HERC3: variants seen among roughly 807,000 people sequenced by gnomAD.
The protein encoded by HERC3 is HECT and RLD domain containing E3 ubiquitin protein ligase 3.
A neutral mutation model predicts 129.9 loss-of-function variants in HERC3; 58 were observed. That is an observed-to-expected ratio of 0.45 (90% CI 0.36 to 0.56). HERC3 has a LOEUF of 0.56. Among genes scored for constraint, HERC3 ranks in the 20% least tolerant of loss-of-function variants. The pLI, the probability that HERC3 is intolerant of heterozygous loss-of-function variation, is 0.00. For synonymous variants in HERC3, 430 were observed against 451.0 expected (o/e 0.95, Z 0.59); for missense variants, 835 against 1,244.2 (o/e 0.67, Z 4.95).
intron 8 of HERC3, 145 bp from the exon 9 acceptor site, chr4:88,655,730 G>A (rs527834921): frequency 9.6e-6 from 7 of 726,658 alleles, no homozygotes; most frequent in South Asian, 8.1e-5. Context: ...GAGAGCAGCC[G>A]CTGCAAGAAG....
At chr4:88,548,313 G>C in the HERC3 span, among the ~76,000 whole-genome samples, 1 of 152,146 alleles carries the variant, frequency 6.6e-6, no homozygotes, top group Non-Finnish European at 1.5e-5. Context: ...ATCTCTACCA[G>C]CAGTATATGG....
intron 23 of HERC3, chr4:88,697,763 AGAAGCCGCAGAG>A: frequency 6.3e-7 from 1 of 1,599,336 alleles, no homozygotes; most frequent in South Asian, 1.1e-5. Flanking sequence ...ATGTTAGAGG[AGAAGCCGCAGAG>A]GTCTAGGAGG....
chr4:88,555,087 C>T, the HERC3 span, among the ~76,000 whole-genome samples: 1,305 of 152,006 alleles, frequency 8.6e-3, 17 homozygotes, highest in African/African-American at 0.029. Flanking sequence ...AGATTGAGAC[C>T]ATCCTGGCCA....
the HERC3 span, among the ~76,000 whole-genome samples, chr4:88,543,307 C>G: frequency 1.4e-4 from 21 of 151,930 alleles, no homozygotes; most frequent in Admixed American, 1.4e-3. Context: ...GACAGAGAGC[C>G]AAATCATGAG....
chr4:88,539,469 A>G, the HERC3 span, among the ~76,000 whole-genome samples: 2 of 152,348 alleles, frequency 1.3e-5, no homozygotes, highest in East Asian at 1.9e-4. Context: ...TACCACCTCT[A>G]TAGACTCCAC....
chr4:88,679,415 T>G (rs1275908818), intron 19 of HERC3, among the ~76,000 whole-genome samples: 1 of 152,180 alleles, frequency 6.6e-6, no homozygotes, highest in Admixed American at 6.5e-5. Flanking sequence ...CATTTTTTTC[T>G]ATGTGCCAGA....
intron 3 of HERC3, among the ~76,000 whole-genome samples, chr4:88,647,875 T>C (rs1159338536): frequency 6.6e-6 from 1 of 151,758 alleles, no homozygotes; most frequent in African/African-American, 2.4e-5. Context: ...TATTTCTTGA[T>C]TTTTTTCAAT....
At chr4:88,546,142 A>G in the HERC3 span, among the ~76,000 whole-genome samples, 2 of 152,182 alleles carry the variant, frequency 1.3e-5, no homozygotes, top group African/African-American at 4.8e-5. Flanking sequence ...TGAACTAGAG[A>G]TACTGTAAAT....
chr4:88,670,358 C>A, intron 16 of HERC3, 106 bp downstream of exon 16: 1 of 721,948 alleles, frequency 1.4e-6, no homozygotes, highest in South Asian at 1.9e-5. Context: ...GTCACCTATT[C>A]TTCATCCAGC....
At chr4:88,694,323 C>T (rs1734374986) in intron 23 of HERC3, among the ~76,000 whole-genome samples, 1 of 152,190 alleles carries the variant, frequency 6.6e-6, no homozygotes, top group Non-Finnish European at 1.5e-5. Flanking sequence ...TAATAATTTT[C>T]ATATGATTCA....
At chr4:88,592,210 T>C (rs1721753668), upstream of HERC3, among the ~76,000 whole-genome samples, 3 of 152,170 alleles carry the variant, frequency 2.0e-5, no homozygotes, top group African/African-American at 7.2e-5. Flanking sequence ...GCGTCAACGC[T>C]CTATGTCTTG....
chr4:88,560,602 T>A, the HERC3 span, among the ~76,000 whole-genome samples: 3 of 152,234 alleles, frequency 2.0e-5, no homozygotes, highest in Non-Finnish European at 4.4e-5. Flanking sequence ...TAGTCCCATT[T>A]ATTTAGTATT....
At chr4:88,697,770 G>A (rs775237659) in intron 23 of HERC3, 3 of 1,595,814 alleles carry the variant, frequency 1.9e-6, no homozygotes, top group African/African-American at 1.3e-5. Context: ...AGGAGAAGCC[G>A]CAGAGGTCTA....
At chr4:88,704,439 A>G (rs1377877081) in intron 24 of HERC3, 69 bp from the exon 25 acceptor site, 2 of 1,242,462 alleles carry the variant, frequency 1.6e-6, no homozygotes, top group African/African-American at 1.5e-5. Context: ...CTCAAATGCA[A>G]ATGATATATA....
chr4:88,650,394 C>T (rs1729143373), intron 4 of HERC3, among the ~76,000 whole-genome samples: 1 of 152,172 alleles, frequency 6.6e-6, no homozygotes, highest in South Asian at 2.1e-4. Flanking sequence ...CTCTGATAGG[C>T]CAAATCACTT....
At chr4:88,529,120 G>A in the HERC3 span, among the ~76,000 whole-genome samples, 4 of 152,136 alleles carry the variant, frequency 2.6e-5, no homozygotes, top group Admixed American at 6.5e-5. Flanking sequence ...ACACAAAAAT[G>A]TATGCACAAT....
intron 3 of HERC3, among the ~76,000 whole-genome samples, chr4:88,634,777 T>C: frequency 7.0e-6 from 1 of 142,916 alleles, no homozygotes; most frequent in East Asian, 2.2e-4. Flanking sequence ...CCCCTCGAGG[T>C]CAGAGGTCCC....
chr4:88,602,871 C>T (rs374984140), intron 2 of HERC3, among the ~76,000 whole-genome samples: 7 of 152,098 alleles, frequency 4.6e-5, no homozygotes, highest in Admixed American at 2.0e-4. Context: ...TAAGAATTTC[C>T]GAAGGGAAGA....
At chr4:88,525,940 C>A in the HERC3 span, among the ~76,000 whole-genome samples, 1 of 152,292 alleles carries the variant, frequency 6.6e-6, no homozygotes, top group Non-Finnish European at 1.5e-5. Context: ...TGCACAATAA[C>A]CTGATGGTTT....
Sources: allele counts gnomAD v4.1 joint callset (sites outside exome capture counted in the v4.1 genomes callset), GRCh38; gene constraint gnomAD v4.1.1; transcripts MANE v1.5; gene names NCBI Gene and HGNC (gene_info 2026-07-23, HGNC 2026-07-21).